Variants in MYH6 observed in about 807,000 individuals in gnomAD.
The protein encoded by MYH6 is myosin-6.
A neutral mutation model predicts 223.2 loss-of-function variants in MYH6; 126 were observed. The ratio of observed to expected loss-of-function variants is 0.56; its 90% CI spans 0.49 to 0.65. The LOEUF (loss-of-function observed/expected upper bound fraction) is 0.65, where lower values mean the gene tolerates loss of function less well. Among genes scored for constraint, MYH6 ranks in the 30% least tolerant of loss-of-function variants. The pLI is 0.00. For synonymous variants in MYH6, 978 were observed against 1,010.2 expected, an observed-to-expected ratio of 0.97 and a Z score of 0.61; for missense variants, 2,040 against 2,536.4, an observed-to-expected ratio of 0.80 and a Z score of 4.20.
At chr14:23,386,644 GGC>G in intron 32 of MYH6, 21 bp from the exon 33 acceptor site, 2 of 1,533,850 alleles carry the variant, frequency 1.3e-6, no homozygotes, top group Non-Finnish European at 1.8e-6. Flanking sequence ...GTGGGGCGAG[GGC>G]GGGCAGACAG....
rs868506925 is a variant in MYH6 at position 23,396,304 on chromosome 14, G to A, written c.2409C>T (p.Phe803=). 6.2e-7 allele frequency: 1 copy of A among 1,614,094 alleles called. No homozygotes were observed. The highest frequency in any genetic ancestry group is 8.5e-7 in the Non-Finnish European group (1 of 1,180,044). ...CTCACCTGCGTTCCACTATCTTCTT[G>A]AACTCAATGCGCATGAGCTGGCCCC... ...QARGQLMRIE[F]KKIVERRDAL... is the part of the protein sequence containing the mutation. The change falls in exon 20 of 39, where the codon TTC becomes TTT. Residue 803 remains phenylalanine, a synonymous_variant. Coordinates refer to ENST00000405093, the MANE Select transcript of MYH6 (RefSeq NM_002471.4).
Position 23,393,198 on chromosome 14 carries a change from A to G in MYH6, c.3106-141T>C, listed in dbSNP as rs992355929. On this transcript the variant is annotated intron_variant, in intron 23 of 38. Coordinates refer to ENST00000405093, the MANE Select transcript of MYH6 (RefSeq NM_002471.4). ...AATCCTGCAAGCACAAAGGATTCAG[A>G]GACCTACTGTAGTGAGGAACTACAG... is the stretch of plus-strand genomic sequence containing the variant. The G allele has an allele frequency of 7.5e-6, 11 of 1,467,666 alleles. No homozygotes were observed. The African/African-American group carries it at 1.5e-4, about 20-fold the overall frequency. The allele number at this position is 1,467,666 out of a possible 1,614,324, so 90.9% of individuals were successfully genotyped here.
intron 36 of MYH6, 21 bp from the exon 37 acceptor site, chr14:23,383,341 G>GGGGGGGGGGCGCCCCCCCCCCCC: frequency 1.8e-6 from 1 of 556,582 alleles, no homozygotes; most frequent in Non-Finnish European, 3.3e-6. Flanking sequence ...GAGGGTGGGA[G>GGGGGGGGGGCGCCCCCCCCCCCC]AAGCTGGTTT....
In MYH6 at chr14:23,403,388, G is replaced by A; in HGVS notation, c.858C>T (p.Ile286=). The stretch of plus-strand genomic sequence containing the variant: ...TCTTGTTGGACAGAATCTGGTAGAA[G>A]ATGTGGTAGTTTCTCTCAGCTTTCA... The part of the protein sequence containing the change: ...FQLKAERNYH[I]FYQILSNKKP... Residue 286 remains isoleucine, a synonymous_variant, in exon 10 of 39, where the codon ATC becomes ATT. Coordinates refer to ENST00000405093, the MANE Select transcript of MYH6 (RefSeq NM_002471.4). 6.2e-7 allele frequency: 1 copy of A among 1,614,122 alleles called. No homozygotes were observed. Among genetic ancestry groups the A allele is most frequent in the Non-Finnish European group, 8.5e-7 (1 of 1,180,020 alleles).
At chr14:23,396,849 C>G (rs1891411111) in intron 18 of MYH6, 32 bp from the exon 19 acceptor site, 1 of 1,613,582 alleles carries the variant, frequency 6.2e-7, no homozygotes, top group Admixed American at 1.7e-5. Context: ...GTCACCCATG[C>G]TCTGCAGTGA....
Position 23,396,787 on chromosome 14 carries a change from A to G in MYH6, c.2199T>C (p.Pro733=), listed in dbSNP as rs727505290. 1.5e-5 allele frequency: 24 copies of G among 1,613,862 alleles called. No individual in the cohort carries two copies. Among genetic ancestry groups the G allele is most frequent in the Non-Finnish European group, 2.0e-5 (24 of 1,179,874 alleles). ...TCCTGCTATCAATGAACTGTCCCTC[A>G]GGGATGGCCACTGGGTTCAGGATGC... ...RYRILNPVAI[P]EGQFIDSRKG... Residue 733 remains proline (P), a synonymous_variant, in exon 19 of 39, where the codon CCT becomes CCC. Coordinates refer to ENST00000405093, the MANE Select transcript of MYH6 (RefSeq NM_002471.4).
rs139182991 is a variant in MYH6 at position 23,396,407 on chromosome 14, G to A, written c.2306C>T (p.Ala769Val). The A allele has an allele frequency of 1.4e-5, 22 of 1,613,890 alleles. No homozygotes were observed. In the East Asian group the frequency reaches 4.5e-4, roughly 33 times the overall value. Residue 769 changes from alanine to valine, a missense_variant, in exon 20 of 39, where the codon GCA (alanine) becomes GTA (valine). Physicochemically the swap from Ala to Val is moderately conservative, Grantham distance 64. Transcript: ENST00000405093. ...KFGHTKVFFK[A>V]GLLGLLEEMR... ...CTCCTCCAGCAGCCCAAGCAGCCCT[G>A]CCTTGAAGAACACCTGCAGGCAAGG...
intron 33 of MYH6, 49 bp from the exon 34 acceptor site, chr14:23,386,180 T>A: frequency 6.2e-7 from 1 of 1,611,772 alleles, no homozygotes; most frequent in Non-Finnish European, 8.5e-7. Context: ...TCGGTGCCCT[T>A]CACTGAGGGC....
chr14:23,385,750 A>G (rs758147176), intron 34 of MYH6, among the ~76,000 whole-genome samples, 178 bp downstream of exon 34: 21 of 152,142 alleles, frequency 1.4e-4, no homozygotes, highest in Non-Finnish European at 2.9e-4. Flanking sequence ...TTAGCTTCTA[A>G]GTAGAGACCG....
chr14:23,401,482 C>T (rs542115885), intron 12 of MYH6, among the ~76,000 whole-genome samples: 5 of 152,278 alleles, frequency 3.3e-5, no homozygotes, highest in Non-Finnish European at 7.3e-5. Flanking sequence ...GCACAGCCCC[C>T]TTATCCGGCC....
chr14:23,388,130 G>A (rs768579765), intron 30 of MYH6, 25 bp downstream of exon 30: 9 of 1,612,042 alleles, frequency 5.6e-6, no homozygotes, highest in Non-Finnish European at 5.9e-6. Flanking sequence ...CTGCATGCTG[G>A]CTGCGGCCCC....
chr14:23,393,891 A>G lies in MYH6; in HGVS notation c.2703T>C (p.Asn901=). 6.2e-7 allele frequency: 1 copy of G among 1,614,114 alleles called. No individual in the cohort carries two copies. Among genetic ancestry groups the G allele is most frequent in the African/African-American group, 1.3e-5 (1 of 75,004 alleles). Residue 901 remains asparagine (N), a synonymous_variant, in exon 22 of 39, where the codon AAT becomes AAC. Coordinates refer to ENST00000405093, the MANE Select transcript of MYH6 (RefSeq NM_002471.4). ...LQVQAEQDNL[N]DAEERCDQLI... ...GCTGGTCGCAGCGCTCCTCAGCATCATTGAGGTTGTCTTGTTCCTGGGAGA... is the reference window on the plus strand; with the variant it reads ...GCTGGTCGCAGCGCTCCTCAGCATCGTTGAGGTTGTCTTGTTCCTGGGAGA...
At chr14:23,382,645 C>T in intron 37 of MYH6, 83 bp from the exon 38 acceptor site, 1 of 1,607,642 alleles carries the variant, frequency 6.2e-7, no homozygotes, top group Non-Finnish European at 8.5e-7. Context: ...GTTCCAGCTC[C>T]CTGTCCCTGA....
Position 23,383,339 on chromosome 14 carries a change from G to GGGGGGT in MYH6, c.5566-20_5566-19insACCCCC. ...CCTCTGTCTGGGGGTGGGAGGGTGG[G>GGGGGGT]AGAAGCTGGTTTGGAGGGGGAGCAA... is the stretch of plus-strand genomic sequence containing the variant. On this transcript the variant is annotated intron_variant, in intron 36 of 38. Coordinates refer to ENST00000405093, the MANE Select transcript of MYH6 (RefSeq NM_002471.4). 9.2e-6 allele frequency: 1 copy of GGGGGGT among 108,202 alleles called. No individual in the cohort carries two copies. The highest frequency in any genetic ancestry group is 1.8e-5 in the Non-Finnish European group (1 of 54,384). The allele number at this position is 108,202 out of a possible 1,614,324, so 6.7% of individuals were successfully genotyped here. A position where few individuals can be genotyped will look rare whatever the true frequency, so the allele number is the denominator to read the frequency against.
At chr14:23,393,181 A>C in intron 23 of MYH6, 124 bp from the exon 24 acceptor site, 1 of 1,492,580 alleles carries the variant, frequency 6.7e-7, no homozygotes, top group East Asian at 2.3e-5. Context: ...GAAATCCTGC[A>C]AGCACAAAGG....
intron 15 of MYH6, among the ~76,000 whole-genome samples, chr14:23,397,985 CTTCT>C (rs1891476143): frequency 7.0e-6 from 1 of 142,052 alleles, no homozygotes; most frequent in Admixed American, 7.4e-5. Flanking sequence ...TCTTCTTCTT[CTTCT>C]TCTTCTTCTT....
In MYH6 at chr14:23,390,228, G is replaced by A. The variant is rs753132634; in HGVS notation, c.3561C>T (p.His1187=). 24 of 1,586,242 alleles carry A rather than the reference G, an allele frequency of 1.5e-5. No homozygotes were observed. The highest frequency in any genetic ancestry group is 2.2e-5 in the South Asian group (2 of 89,746). Residue 1187 remains histidine (H), a synonymous_variant, in exon 26 of 39, where the codon CAC becomes CAT. Coordinates refer to ENST00000405093, the MANE Select transcript of MYH6 (RefSeq NM_002471.4). The part of the protein sequence containing the change: ...RRDLEEATLQ[H]EATAAALRKK... Reference sequence around the variant, plus strand: ...TGCGCAGGGCCGCGGCAGTGGCCTCGTGCTGCAGCGTGGCCTCCTCCAGGT... The same window carrying A: ...TGCGCAGGGCCGCGGCAGTGGCCTCATGCTGCAGCGTGGCCTCCTCCAGGT...
Position 23,405,015 on chromosome 14 carries a change from A to C in MYH6, c.530+85T>G. Reference sequence around the variant, plus strand: ...CCATGCTCCCTGCAATCCCAGCCTTAAACCTCTCCTCCCAACTACACCCTA... The same window carrying C: ...CCATGCTCCCTGCAATCCCAGCCTTCAACCTCTCCTCCCAACTACACCCTA... On this transcript the variant is annotated intron_variant, in intron 6 of 38. Transcript: ENST00000405093. The surrounding 1 kb of genome is among the most constrained non-coding windows in gnomAD (Gnocchi z 4.7). 1 of 1,599,652 alleles carries C rather than the reference A, an allele frequency of 6.3e-7. No homozygotes were observed. The highest frequency in any genetic ancestry group is 8.6e-7 in the Non-Finnish European group (1 of 1,167,616).
chr14:23,397,679 G>T, intron 15 of MYH6, 66 bp from the exon 16 acceptor site: 2 of 1,495,188 alleles, frequency 1.3e-6, no homozygotes, highest in Non-Finnish European at 9.3e-7. Flanking sequence ...GGCAGAGGCA[G>T]AGCTCTGCTG....
Sources: allele counts gnomAD v4.1 joint callset (sites outside exome capture counted in the v4.1 genomes callset), GRCh38; gene constraint gnomAD v4.1.1; non-coding constraint Gnocchi (gnomAD v3.1); transcripts MANE v1.5; gene names NCBI Gene and HGNC (gene_info 2026-07-23, HGNC 2026-07-21).